Variants in MYO1B observed in about 807,000 individuals in gnomAD.
The protein encoded by MYO1B is myosin IB, also known as unconventional myosin-Ib.
In MYO1B, 72 loss-of-function variants were observed where a neutral mutation model predicts 159.7. The observed-to-expected ratio is 0.45, with a 90% confidence interval of 0.37 to 0.55. MYO1B has a LOEUF of 0.55. Ranked by LOEUF, MYO1B falls within the 20% of genes least tolerant of loss-of-function variation. The pLI, the probability that MYO1B is intolerant of heterozygous loss-of-function variation, is 0.00. For synonymous variants in MYO1B, 468 were observed against 473.8 expected (o/e 0.99, Z 0.16); for missense variants, 1,062 against 1,364.8 (o/e 0.78, Z 3.50).
In MYO1B at chr2:191,391,042, C is replaced by T. The variant is rs1237612772; in HGVS notation, c.1982+550C>T. 2.6e-5 allele frequency among the ~76,000 whole-genome samples: 4 copies of T among 152,238 alleles called. No individual in the cohort carries two copies. In the East Asian group the frequency reaches 7.7e-4, roughly 29 times the overall value. On this transcript the variant is annotated intron_variant, in intron 18 of 30. Transcript: ENST00000392318. ...CTGAATTGCATTTACTCATCCAGTCCCAGACAGAGTGCTGGACACCGCAGG... is the reference window on the plus strand; with the variant it reads ...CTGAATTGCATTTACTCATCCAGTCTCAGACAGAGTGCTGGACACCGCAGG...
intron 2 of MYO1B, among the ~76,000 whole-genome samples, chr2:191,287,868 T>G (rs1688472199): frequency 3.0e-5 from 1 of 33,636 alleles, no homozygotes; most frequent in African/African-American, 6.5e-5. Flanking sequence ...ATCTCAGTCT[T>G]TTTTTTTTTT....
At chr2:191,388,699 A>G (rs1028197777) in intron 17 of MYO1B, among the ~76,000 whole-genome samples, 1 of 152,088 alleles carries the variant, frequency 6.6e-6, no homozygotes, top group African/African-American at 2.4e-5. Context: ...TCTCAATTGA[A>G]TGAATTTTTT....
intron 1 of MYO1B, among the ~76,000 whole-genome samples, chr2:191,267,870 A>C (rs894953294): frequency 1.2e-4 from 18 of 152,280 alleles, no homozygotes; most frequent in African/African-American, 4.1e-4. Context: ...AGGCTCTCTG[A>C]TGGTCCTTTG....
Position 191,419,792 on chromosome 2 carries a change from TA to T in MYO1B, c.3287+3558del, listed in dbSNP as rs200187852. On this transcript the variant is annotated intron_variant, in intron 30 of 30. Transcript: ENST00000392318. ...TAACAAAAAGTTTAAAAAGTAAAAA[TA>T]AAAAAAATTAAAATTTTAAAAATAG... is the stretch of plus-strand genomic sequence containing the variant. 7.3e-3 allele frequency among the ~76,000 whole-genome samples: 1,115 copies of T among 151,806 alleles called. 12 individuals are homozygous for T. The highest frequency in any genetic ancestry group is 0.024 in the Middle Eastern group (7 of 294).
At chr2:191,378,756 C>A (rs1334343392) in intron 13 of MYO1B, among the ~76,000 whole-genome samples, 1 of 151,850 alleles carries the variant, frequency 6.6e-6, no homozygotes, top group Non-Finnish European at 1.5e-5. Flanking sequence ...AGAGAATGAG[C>A]AATGTTTTTC....
At chr2:191,310,393 G>GTTTAGTA in intron 3 of MYO1B, among the ~76,000 whole-genome samples, 1 of 152,100 alleles carries the variant, frequency 6.6e-6, no homozygotes, top group Non-Finnish European at 1.5e-5. Flanking sequence ...AGTAGAGATG[G>GTTTAGTA]GGTTTCACCA....
intron 1 of MYO1B, among the ~76,000 whole-genome samples, chr2:191,276,304 T>C (rs561277363): frequency 5.1e-4 from 78 of 152,360 alleles, no homozygotes; most frequent in African/African-American, 1.8e-3. Flanking sequence ...TCACATCAAA[T>C]GCAAAACATT....
chr2:191,361,952 A>T (rs541870030), intron 8 of MYO1B, among the ~76,000 whole-genome samples: 36 of 152,292 alleles, frequency 2.4e-4, no homozygotes, highest in Non-Finnish European at 1.5e-5. Flanking sequence ...ATATGTTATA[A>T]TGAAATAATA....
At chr2:191,377,562 T>C (rs919091186) in intron 13 of MYO1B, 1 of 152,166 alleles carries the variant, frequency 6.6e-6, no homozygotes, top group African/African-American at 2.4e-5. Flanking sequence ...CTTTGGGGCC[T>C]TCCTATTCAT....
chr2:191,276,785 A>G, intron 1 of MYO1B, 102 bp from the exon 2 acceptor site: 1 of 1,330,270 alleles, frequency 7.5e-7, no homozygotes, highest in Non-Finnish European at 1.0e-6. Flanking sequence ...GGCTAGTGAG[A>G]GTCATTTGGA....
In MYO1B at chr2:191,396,502, GTTTAAAAGAAGTATGC is replaced by G; in HGVS notation, c.2295+10_2295+25del. 1.2e-6 allele frequency: 2 copies of G among 1,613,920 alleles called. No individual in the cohort carries two copies. The highest frequency in any genetic ancestry group is 8.5e-7 in the Non-Finnish European group (1 of 1,179,840). On this transcript the variant is annotated splice_donor_region_variant and intron_variant, in intron 21 of 30. Coordinates refer to ENST00000392318, the MANE Select transcript of MYO1B (RefSeq NM_001130158.3). ...TCTTATATCCGGGGTTGGAAGGTGA[GTTTAAAAGAAGTATGC>G]TTTATTTATTTTGGGTTTTCTGGTT...
At chr2:191,336,756 C>T (rs545099826) in intron 4 of MYO1B, among the ~76,000 whole-genome samples, 1 of 152,252 alleles carries the variant, frequency 6.6e-6, no homozygotes, top group South Asian at 2.1e-4. Context: ...TTTTGTTGAA[C>T]ACAAACATGG....
chr2:191,388,822 C>A (rs1273382987), intron 17 of MYO1B, among the ~76,000 whole-genome samples: 1 of 152,048 alleles, frequency 6.6e-6, no homozygotes. Context: ...TTAGTAACCA[C>A]CACCCAGGTT....
chr2:191,265,663 A>G (rs1423637381), intron 1 of MYO1B, among the ~76,000 whole-genome samples: 2 of 152,208 alleles, frequency 1.3e-5, no homozygotes, highest in Non-Finnish European at 2.9e-5. Flanking sequence ...CAGGTTTGCC[A>G]ATCTAAACAC....
intron 24 of MYO1B, among the ~76,000 whole-genome samples, chr2:191,405,019 C>T (rs765807590): frequency 3.9e-5 from 6 of 152,178 alleles, no homozygotes; most frequent in Non-Finnish European, 8.8e-5. Flanking sequence ...CATTTGATAG[C>T]ATTTTACCCA....
chr2:191,287,296 G>C (rs529326790), intron 2 of MYO1B, among the ~76,000 whole-genome samples: 1 of 152,206 alleles, frequency 6.6e-6, no homozygotes, highest in Non-Finnish European at 1.5e-5. Flanking sequence ...GAGAGGCCGA[G>C]GTAGGCGGAT....
chr2:191,405,542 C>A (rs1331003421), intron 24 of MYO1B, among the ~76,000 whole-genome samples: 1 of 152,176 alleles, frequency 6.6e-6, no homozygotes, highest in African/African-American at 2.4e-5. Flanking sequence ...AAATGTATTT[C>A]TTAAATCATA....
At chr2:191,302,200 A>G (rs748156237) in intron 3 of MYO1B, among the ~76,000 whole-genome samples, 9 of 152,070 alleles carry the variant, frequency 5.9e-5, no homozygotes, top group Non-Finnish European at 1.3e-4. Flanking sequence ...TTATCAGACC[A>G]CTCGTGGTCG....
At chr2:191,295,998 A>G (rs1380982209) in intron 2 of MYO1B, 113 bp from the exon 3 acceptor site, 2 of 454,478 alleles carry the variant, frequency 4.4e-6, no homozygotes, top group African/African-American at 2.0e-5. Context: ...TGAATGGTGA[A>G]GCAGAACTAG....
Sources: allele counts gnomAD v4.1 joint callset (sites outside exome capture counted in the v4.1 genomes callset), GRCh38; gene constraint gnomAD v4.1.1; transcripts MANE v1.5; gene names NCBI Gene and HGNC (gene_info 2026-07-23, HGNC 2026-07-21).